The following CDH1 variants were observed in gnomAD, a reference collection of about 807,000 sequenced individuals.
CDH1 encodes cadherin-1.
CDH1 carries 35 observed loss-of-function variants against 84.5 expected under a neutral mutation model. The observed-to-expected ratio is 0.41, with a 90% confidence interval of 0.32 to 0.55. CDH1 has a LOEUF of 0.55. Among genes scored for constraint, CDH1 ranks in the 20% least tolerant of loss-of-function variants. CDH1 has a pLI of 0.19. For synonymous variants in CDH1, 417 were observed against 439.0 expected, an observed-to-expected ratio of 0.95 and a Z score of 0.63; for missense variants, 994 against 1,126.6, an observed-to-expected ratio of 0.88 and a Z score of 1.68.
intron 11 of CDH1, among the ~76,000 whole-genome samples, chr16:68,820,157 C>T (rs563726023): frequency 2.1e-4 from 32 of 151,866 alleles, no homozygotes; most frequent in Middle Eastern, 6.8e-3. Flanking sequence ...CAAGATTGCG[C>T]CACTGCTCTC....
At chr16:68,829,592 C>A (rs1596972230) in intron 14 of CDH1, 62 bp from the exon 15 acceptor site, 1 of 1,487,258 alleles carries the variant, frequency 6.7e-7, no homozygotes, top group East Asian at 2.3e-5. Flanking sequence ...CTGAACATAG[C>A]CCTGTGTGTA....
intron 2 of CDH1, among the ~76,000 whole-genome samples, chr16:68,753,277 G>T (rs1962935026): frequency 6.7e-6 from 1 of 149,522 alleles, no homozygotes; most frequent in Admixed American, 6.7e-5. Context: ...AAAATCTCAT[G>T]GCTTCAAAAT....
At chr16:68,831,604 A>C (rs893129224) in intron 15 of CDH1, among the ~76,000 whole-genome samples, 2 of 151,760 alleles carry the variant, frequency 1.3e-5, no homozygotes, top group African/African-American at 4.9e-5. Context: ...CAGTGGCGTA[A>C]TCTTGGCTCA....
intron 2 of CDH1, among the ~76,000 whole-genome samples, chr16:68,792,285 A>T (rs1187126772): frequency 1.3e-5 from 2 of 148,820 alleles, no homozygotes; most frequent in Admixed American, 1.3e-4. Flanking sequence ...GCTGGAGGGC[A>T]GTGGCGCAAT....
intron 9 of CDH1, among the ~76,000 whole-genome samples, chr16:68,814,963 T>G (rs1214395575): frequency 6.7e-6 from 1 of 149,584 alleles, no homozygotes; most frequent in African/African-American, 2.5e-5. Context: ...CAGTTGCTGA[T>G]GTCTGTAATC....
At chr16:68,829,953 C>CTTTTTTTT (rs67262350) in intron 15 of CDH1, among the ~76,000 whole-genome samples, 156 bp downstream of exon 15, 6 of 102,214 alleles carry the variant, frequency 5.9e-5, no homozygotes, top group African/African-American at 2.0e-4. Context: ...CTTTTTTTTT[C>CTTTTTTTT]TTTTTCTTTT....
intron 6 of CDH1, 94 bp from the exon 7 acceptor site, chr16:68,811,590 T>C: frequency 8.9e-7 from 1 of 1,120,974 alleles, no homozygotes; most frequent in African/African-American, 1.5e-5. Context: ...CCATGTCCCC[T>C]CCTTTATCCC....
rs2152113923 is a variant in CDH1 at position 68,737,400 on chromosome 16, G to C, written c.-16G>C. 11 of 1,530,416 alleles carry C rather than the reference G, an allele frequency of 7.2e-6. No individual in the cohort carries two copies. Among genetic ancestry groups the C allele is most frequent in the Non-Finnish European group, 9.6e-6 (11 of 1,144,786 alleles). The allele number at this position is 1,530,416 out of a possible 1,614,324, so 94.8% of individuals were successfully genotyped here. A position where few individuals can be genotyped will look rare whatever the true frequency, so the allele number is the denominator to read the frequency against. On this transcript the variant is annotated 5_prime_UTR_variant, in exon 1 of 16. Coordinates refer to ENST00000261769, the MANE Select transcript of CDH1 (RefSeq NM_004360.5). ...CGCACCCGGCGCCTGCCCTCGCTCGGCGTCCCCGGCCAGCCATGGGCCCTT... is the reference window on the plus strand; with the variant it reads ...CGCACCCGGCGCCTGCCCTCGCTCGCCGTCCCCGGCCAGCCATGGGCCCTT...
At chr16:68,796,472 C>G (rs963325506) in intron 2 of CDH1, among the ~76,000 whole-genome samples, 1 of 152,078 alleles carries the variant, frequency 6.6e-6, no homozygotes, top group Non-Finnish European at 1.5e-5. Flanking sequence ...ACCAGGCGGG[C>G]GTGGGAGAAG....
chr16:68,753,680 C>CAGGGTAATGGCTTA (rs1962944688), intron 2 of CDH1, among the ~76,000 whole-genome samples: 1 of 152,122 alleles, frequency 6.6e-6, no homozygotes, highest in African/African-American at 2.4e-5. Flanking sequence ...CTGCCTTCAG[C>CAGGGTAATGGCTTA]AGGGTAATGG....
intron 10 of CDH1, among the ~76,000 whole-genome samples, 161 bp from the exon 11 acceptor site, chr16:68,819,119 G>T (rs1390194878): frequency 6.6e-6 from 1 of 152,134 alleles, no homozygotes; most frequent in Non-Finnish European, 1.5e-5. Flanking sequence ...GCCTCCCAAA[G>T]TGTTGGGATT....
At chr16:68,778,556 T>G (rs1320775051) in intron 2 of CDH1, among the ~76,000 whole-genome samples, 1 of 151,920 alleles carries the variant, frequency 6.6e-6, no homozygotes, top group East Asian at 1.9e-4. Context: ...GTTTGCAGCC[T>G]TCCCAGAAAC....
Position 68,819,273 on chromosome 16 carries a change from C to G in CDH1, c.1566-7C>G, listed in dbSNP as rs747783435. 6.2e-7 allele frequency: 1 copy of G among 1,614,200 alleles called. No individual in the cohort carries two copies. Reference sequence around the variant, plus strand: ...TATTCTAAAAGCCAGAGCTTGTCCCCGTTCAGATATCGGATTTGGAGAGAC... The same window carrying G: ...TATTCTAAAAGCCAGAGCTTGTCCCGGTTCAGATATCGGATTTGGAGAGAC... On this transcript the variant is annotated splice_polypyrimidine_tract_variant and splice_region_variant and intron_variant, in intron 10 of 15. Coordinates refer to ENST00000261769, the MANE Select transcript of CDH1 (RefSeq NM_004360.5).
chr16:68,772,816 A>G (rs1959615888), intron 2 of CDH1, among the ~76,000 whole-genome samples: 1 of 151,972 alleles, frequency 6.6e-6, no homozygotes, highest in South Asian at 2.1e-4. Flanking sequence ...GGTCCCAGCT[A>G]CCCAGAAGGC....
At chr16:68,738,964 T>TTTTTTTTTTTTTTTTTTTTTTTTTTTA (rs555202424) in intron 2 of CDH1, among the ~76,000 whole-genome samples, 1 of 65,364 alleles carries the variant, frequency 1.5e-5, no homozygotes, top group Non-Finnish European at 2.8e-5. Context: ...TTTTTTTTTT[T>TTTTTTTTTTTTTTTTTTTTTTTTTTTA]AAAGACAGGG....
At chr16:68,821,462 T>C in intron 11 of CDH1, among the ~76,000 whole-genome samples, 1 of 139,382 alleles carries the variant, frequency 7.2e-6, no homozygotes, top group East Asian at 2.1e-4. Flanking sequence ...AGAGTGAGAC[T>C]CTGCCTCAAA....
intron 2 of CDH1, among the ~76,000 whole-genome samples, chr16:68,781,578 A>C (rs182136929): frequency 6.6e-6 from 1 of 152,078 alleles, no homozygotes. Flanking sequence ...AGCTCAAGCA[A>C]TCCATCCCCC....
intron 2 of CDH1, among the ~76,000 whole-genome samples, chr16:68,780,361 G>A (rs1003903687): frequency 2.6e-5 from 4 of 152,084 alleles, no homozygotes; most frequent in African/African-American, 9.7e-5. Flanking sequence ...GAGTGCAGTG[G>A]CATGATTTTG....
chr16:68,738,532 C>A, intron 2 of CDH1, 121 bp downstream of exon 2: 2 of 635,058 alleles, frequency 3.1e-6, no homozygotes, highest in Non-Finnish European at 5.5e-6. Flanking sequence ...TCAAACGACA[C>A]CCCTTGGAAT....
Sources: allele counts gnomAD v4.1 joint callset (sites outside exome capture counted in the v4.1 genomes callset), GRCh38; gene constraint gnomAD v4.1.1; transcripts MANE v1.5; gene names NCBI Gene and HGNC (gene_info 2026-07-23, HGNC 2026-07-21).